Variants in KCNQ1 observed in about 807,000 individuals in gnomAD.
KCNQ1 encodes potassium voltage-gated channel subfamily Q member 1, also known as potassium voltage-gated channel subfamily KQT member 1.
KCNQ1 carries 49 observed loss-of-function variants against 72.4 expected under a neutral mutation model. The observed-to-expected ratio is 0.68, with a 90% CI of 0.54 to 0.86. The LOEUF is 0.86. Ranked by LOEUF, KCNQ1 falls within the 40% of genes least tolerant of loss-of-function variation. The pLI is 0.00. For synonymous variants in KCNQ1, 450 were observed against 412.6 expected (o/e 1.09, Z -1.10); for missense variants, 790 against 945.1 (o/e 0.84, Z 2.15).
chr11:2,587,902 G>A (rs187761092), intron 9 of KCNQ1, among the ~76,000 whole-genome samples: 13 of 152,264 alleles, frequency 8.5e-5, no homozygotes, highest in African/African-American at 1.4e-4. Context: ...ATGTAGGACC[G>A]GTCATTCCAG....
In KCNQ1 at chr11:2,613,791, T is replaced by A. The variant is rs1389116793; in HGVS notation, c.1393+24937T>A. 1 of 398,436 alleles carries A rather than the reference T, an allele frequency of 2.5e-6. No homozygotes were observed. Among genetic ancestry groups the A allele is most frequent in the Non-Finnish European group, 4.4e-6 (1 of 226,048 alleles). The allele number at this position is 398,436 out of a possible 1,614,324, so 24.7% of individuals were successfully genotyped here. A position where few individuals can be genotyped will look rare whatever the true frequency, so the allele number is the denominator to read the frequency against. ...AAATCTTCCTCTCACCCATATCTCTTCCATCCTAATTCCCCCTACCCATTA... is the reference window on the plus strand; with the variant it reads ...AAATCTTCCTCTCACCCATATCTCTACCATCCTAATTCCCCCTACCCATTA... On this transcript the variant is annotated intron_variant, in intron 10 of 15. Coordinates refer to ENST00000155840, the MANE Select transcript of KCNQ1 (RefSeq NM_000218.3). This position sits in a 1 kb window ranked among gnomAD's most constrained non-coding sequence, Gnocchi z 4.8.
rs3889336 is a variant in KCNQ1, at chr11:2,689,008, G to C, written c.1514+26927G>C. 0.033 allele frequency: 13,227 copies of C among 398,732 alleles called. 300 individuals carry two copies. Among genetic ancestry groups the C allele is most frequent in the South Asian group, 0.096 (757 of 7,862 alleles). The allele number at this position is 398,732 out of a possible 1,614,324, so 24.7% of individuals were successfully genotyped here. A position where few individuals can be genotyped will look rare whatever the true frequency, so the allele number is the denominator to read the frequency against. On this transcript the variant is annotated intron_variant, in intron 11 of 15. Transcript: ENST00000155840. ...GAGCAGGGGAGCCTGCAGGTCCCTGGGTTGGAATCCTGGAGCCCTGGGCTG... is the reference window on the plus strand; with the variant it reads ...GAGCAGGGGAGCCTGCAGGTCCCTGCGTTGGAATCCTGGAGCCCTGGGCTG...
In KCNQ1 at chr11:2,682,868, G is replaced by C; in HGVS notation, c.1514+20787G>C. The C allele has an allele frequency of 2.5e-6, 1 of 398,626 alleles. No individual in the cohort carries two copies. The highest frequency in any genetic ancestry group is 4.4e-6 in the Non-Finnish European group (1 of 226,076). 24.7% of individuals were successfully genotyped at this position (398,626 alleles called of 1,614,324 possible). Reference sequence around the variant, plus strand: ...TCTCAGTTTTGTAGACCAGGAAACTGAGGCTTGGGGATAGCAGATGTTCCC... The same window carrying C: ...TCTCAGTTTTGTAGACCAGGAAACTCAGGCTTGGGGATAGCAGATGTTCCC... On this transcript the variant is annotated intron_variant, in intron 11 of 15. Transcript: ENST00000155840. This position sits in a 1 kb window ranked among gnomAD's most constrained non-coding sequence, Gnocchi z 5.8.
intron 11 of KCNQ1, chr11:2,686,029 C>T (rs1035699587): frequency 8.8e-5 from 35 of 399,116 alleles, no homozygotes; most frequent in African/African-American, 6.2e-4. Flanking sequence ...CTCTAAGCCC[C>T]GCCAGCTCGC....
rs1848796978 is a variant in KCNQ1, at chr11:2,600,933, C to G, written c.1393+12079C>G. 6.6e-6 allele frequency among the ~76,000 whole-genome samples: 1 copy of G among 152,146 alleles called. No individual in the cohort carries two copies. The highest frequency in any genetic ancestry group is 2.1e-4 in the South Asian group (1 of 4,830). Reference sequence around the variant, plus strand: ...TCAGTGTATCACATCCTGAGGCACACAGTGTATCTGCCCCTTATTAACGAT... The same window carrying G: ...TCAGTGTATCACATCCTGAGGCACAGAGTGTATCTGCCCCTTATTAACGAT... On this transcript the variant is annotated intron_variant, in intron 10 of 15. Transcript: ENST00000155840. This position sits in a 1 kb window ranked among gnomAD's most constrained non-coding sequence, Gnocchi z 5.6.
Position 2,642,204 on chromosome 11 carries a change from TG to T in KCNQ1, c.1394-19754del, listed in dbSNP as rs904883780. 6 of 398,450 alleles carry T rather than the reference TG, an allele frequency of 1.5e-5. No individual in the cohort carries two copies. Among genetic ancestry groups the T allele is most frequent in the Admixed American group, 1.3e-4 (3 of 22,718 alleles). The allele number at this position is 398,450 out of a possible 1,614,324, so 24.7% of individuals were successfully genotyped here. A position where few individuals can be genotyped will look rare whatever the true frequency, so the allele number is the denominator to read the frequency against. On this transcript the variant is annotated intron_variant, in intron 10 of 15. Transcript: ENST00000155840. This position sits in a 1 kb window ranked among gnomAD's most constrained non-coding sequence, Gnocchi z 4.3. ...ACTGCATTGAATCTGTAGATTGCTT[TG>T]GGTAGTATGGTCATTTTAATTTTGT...
rs977676065 is a variant in KCNQ1, at chr11:2,464,138, C to T, written c.386+18654C>T. Among the ~76,000 whole-genome samples the T allele has an allele frequency of 8.5e-5, 13 of 152,124 alleles. No homozygotes were observed. Among genetic ancestry groups the T allele is most frequent in the Non-Finnish European group, 7.3e-5 (5 of 68,030 alleles). ...CTGACTGGCACAGGGATGTGGACTA[C>T]GGTGCTTGCCATCAGCAGATACAAG... On this transcript the variant is annotated intron_variant, in intron 1 of 15. Transcript: ENST00000155840. This position sits in a 1 kb window ranked among gnomAD's most constrained non-coding sequence, Gnocchi z 5.0.
chr11:2,778,285 C>T (rs1169545200), intron 15 of KCNQ1, among the ~76,000 whole-genome samples: 1 of 152,260 alleles, frequency 6.6e-6, no homozygotes, highest in Non-Finnish European at 1.5e-5. Flanking sequence ...GGCGTCTTTA[C>T]TGGCAGGTGG....
rs1262383801 is a variant in KCNQ1 at position 2,784,707 on chromosome 11, G to A, written c.1794+6670G>A. Among the ~76,000 whole-genome samples the A allele has an allele frequency of 6.6e-6, 1 of 151,856 alleles. No individual in the cohort carries two copies. The highest frequency in any genetic ancestry group is 2.4e-5 in the African/African-American group (1 of 41,408). ...ATTTGATCTACTTTAATTTCTTTCA[G>A]TGATATTTTGCAGTTTGGGGCATAT... On this transcript the variant is annotated intron_variant, in intron 15 of 15. Coordinates refer to ENST00000155840, the MANE Select transcript of KCNQ1 (RefSeq NM_000218.3). This position sits in a 1 kb window ranked among gnomAD's most constrained non-coding sequence, Gnocchi z 4.7.
chr11:2,476,721 C>T (rs1227661147), intron 1 of KCNQ1, among the ~76,000 whole-genome samples: 1 of 140,724 alleles, frequency 7.1e-6, no homozygotes, highest in African/African-American at 2.5e-5. Flanking sequence ...GAGTCTCACT[C>T]AATCACCCAG....
In KCNQ1 at chr11:2,640,335, C is replaced by T. The variant is rs147288360; in HGVS notation, c.1394-21626C>T. ...GCTATAGACTGGAGCTCCTCCTATT[C>T]GGCCATCTTGGAACCACCCCACTTA... is the stretch of plus-strand genomic sequence containing the variant. On this transcript the variant is annotated intron_variant, in intron 10 of 15. Transcript: ENST00000155840. 3.7e-4 allele frequency: 146 copies of T among 398,486 alleles called. 1 individual carries two copies. In the East Asian group the frequency reaches 4.9e-3, roughly 13 times the overall value. 24.7% of individuals were successfully genotyped at this position (398,486 alleles called of 1,614,324 possible). A position where few individuals can be genotyped will look rare whatever the true frequency, so the allele number is the denominator to read the frequency against.
Position 2,543,147 on chromosome 11 carries a change from C to T in KCNQ1, c.477+15129C>T, listed in dbSNP as rs1406951543. ...TGGTGACATATCTTTTTAAATGTTT[C>T]ACCCATTGTAAAATTGGGCTGTTTG... On this transcript the variant is annotated intron_variant, in intron 2 of 15. Transcript: ENST00000155840. The surrounding 1 kb of genome is among the most constrained non-coding windows in gnomAD (Gnocchi z 5.6). 2.6e-5 allele frequency among the ~76,000 whole-genome samples: 4 copies of T among 152,212 alleles called. No individual in the cohort carries two copies. Among genetic ancestry groups the T allele is most frequent in the Non-Finnish European group, 4.4e-5 (3 of 68,046 alleles).
At chr11:2,696,794 A>G (rs995825286) in intron 11 of KCNQ1, 2 of 398,480 alleles carry the variant, frequency 5.0e-6, no homozygotes, top group African/African-American at 4.1e-5. Flanking sequence ...CTAGACTGGT[A>G]TAAATTTTGC....
Position 2,450,116 on chromosome 11 carries a change from G to A in KCNQ1, c.386+4632G>A, listed in dbSNP as rs915770683. 2.6e-5 allele frequency among the ~76,000 whole-genome samples: 4 copies of A among 152,172 alleles called. No homozygotes were observed. The highest frequency in any genetic ancestry group is 4.8e-5 in the African/African-American group (2 of 41,428). ...TGTCTGGGAGGTGGACGAGCCCTCC[G>A]TAGCCCTGACATTCCAAACTGGCTT... On this transcript the variant is annotated intron_variant, in intron 1 of 15. Coordinates refer to ENST00000155840, the MANE Select transcript of KCNQ1 (RefSeq NM_000218.3). This position sits in a 1 kb window ranked among gnomAD's most constrained non-coding sequence, Gnocchi z 7.9.
At chr11:2,558,425 C>CG (rs57907758) in intron 2 of KCNQ1, among the ~76,000 whole-genome samples, 10,328 of 152,146 alleles carry the variant, frequency 0.068, 1,143 homozygotes, top group African/African-American at 0.23. Flanking sequence ...GGTCTCCAGG[C>CG]GGGGGGGTCC....
rs879102696 is a variant in KCNQ1 at position 2,764,884 on chromosome 11, C to T, written c.1515-3960C>T. Among the ~76,000 whole-genome samples, 1 of 152,176 alleles carries T rather than the reference C, an allele frequency of 6.6e-6. No individual in the cohort carries two copies. Among genetic ancestry groups the T allele is most frequent in the African/African-American group, 2.4e-5 (1 of 41,450 alleles). ...TGATGGCGGTCATTTGTGTCCCCTCCCCCATCTGATCAGTCTTCCCAAAAG... is the reference window on the plus strand; with the variant it reads ...TGATGGCGGTCATTTGTGTCCCCTCTCCCATCTGATCAGTCTTCCCAAAAG... On this transcript the variant is annotated intron_variant, in intron 11 of 15. Transcript: ENST00000155840. The surrounding 1 kb of genome is among the most constrained non-coding windows in gnomAD (Gnocchi z 4.8).
At position 2,762,686 on chromosome 11, in the gene KCNQ1, G is replaced by C. The variant is rs953974306; in HGVS notation, c.1515-6158G>C. Among the ~76,000 whole-genome samples, 3 of 152,210 alleles carry C rather than the reference G, an allele frequency of 2.0e-5. No homozygotes were observed. Among genetic ancestry groups the C allele is most frequent in the Non-Finnish European group, 2.9e-5 (2 of 68,040 alleles). On this transcript the variant is annotated intron_variant, in intron 11 of 15. Coordinates refer to ENST00000155840, the MANE Select transcript of KCNQ1 (RefSeq NM_000218.3). This position sits in a 1 kb window ranked among gnomAD's most constrained non-coding sequence, Gnocchi z 4.3. ...AGATCAGTGGTGGCATTAGATTCTC[G>C]CAGGAGCGCGAACCCTGTTGTGAAT...
At position 2,690,919 on chromosome 11, in the gene KCNQ1, C is replaced by T. The variant is rs566356512; in HGVS notation, c.1514+28838C>T. 7.5e-6 allele frequency: 3 copies of T among 398,312 alleles called. No homozygotes were observed. Among genetic ancestry groups the T allele is most frequent in the African/African-American group, 2.1e-5 (1 of 48,542 alleles). The allele number at this position is 398,312 out of a possible 1,614,324, so 24.7% of individuals were successfully genotyped here. ...GGGTTTTGTCATGTGTAGGTCCCAG[C>T]GGCTTTAAGCCAACCTGAAAGGTTC... On this transcript the variant is annotated intron_variant, in intron 11 of 15. Coordinates refer to ENST00000155840, the MANE Select transcript of KCNQ1 (RefSeq NM_000218.3). This position sits in a 1 kb window ranked among gnomAD's most constrained non-coding sequence, Gnocchi z 5.1.
chr11:2,504,319 G>A (rs2133649620), intron 1 of KCNQ1, among the ~76,000 whole-genome samples: 1 of 152,216 alleles, frequency 6.6e-6, no homozygotes, highest in East Asian at 1.9e-4. Flanking sequence ...ATGGTTACCA[G>A]AGGCTGGGAA....
Sources: allele counts gnomAD v4.1 joint callset (sites outside exome capture counted in the v4.1 genomes callset), GRCh38; gene constraint gnomAD v4.1.1; non-coding constraint Gnocchi (gnomAD v3.1); transcripts MANE v1.5; gene names NCBI Gene and HGNC (gene_info 2026-07-23, HGNC 2026-07-21).